The following RALGPS2 variants were observed in gnomAD, a reference collection of about 807,000 sequenced individuals.
RALGPS2 encodes the protein ras-specific guanine nucleotide-releasing factor RalGPS2.
In RALGPS2, 43 loss-of-function variants were observed where a neutral mutation model predicts 86.8. The observed-to-expected ratio is 0.50, with a 90% CI of 0.39 to 0.64. The LOEUF is 0.64. RALGPS2 is among the 30% of genes least tolerant of loss of function. The pLI is 0.00. For synonymous variants in RALGPS2, 243 were observed against 231.3 expected, an observed-to-expected ratio of 1.05 and a Z score of -0.46; for missense variants, 536 against 694.6, an observed-to-expected ratio of 0.77 and a Z score of 2.57.
intron 4 of RALGPS2, among the ~76,000 whole-genome samples, chr1:178,806,746 T>G (rs1216796248): frequency 1.3e-5 from 2 of 152,142 alleles, no homozygotes; most frequent in Non-Finnish European, 2.9e-5. Context: ...TTTTCTCAGT[T>G]TTCTTCGCTC....
chr1:178,817,027 G>A (rs771632140), intron 6 of RALGPS2, among the ~76,000 whole-genome samples: 1 of 151,794 alleles, frequency 6.6e-6, no homozygotes, highest in African/African-American at 2.4e-5. Flanking sequence ...TTTGTGTCTG[G>A]TGGAAGGTGT....
At chr1:178,911,496 T>TAA (rs1660623015) in intron 19 of RALGPS2, among the ~76,000 whole-genome samples, 1 of 152,200 alleles carries the variant, frequency 6.6e-6, no homozygotes. Flanking sequence ...AGAAAGTTGT[T>TAA]TAAGTTCCAT....
At chr1:178,908,874 T>C (rs929587666) in intron 19 of RALGPS2, among the ~76,000 whole-genome samples, 8 of 152,226 alleles carry the variant, frequency 5.3e-5, no homozygotes, top group African/African-American at 1.9e-4. Context: ...TTTATTCTGC[T>C]GATAGTTTCT....
chr1:178,897,331 T>C (rs935766376), intron 16 of RALGPS2, among the ~76,000 whole-genome samples: 2 of 152,052 alleles, frequency 1.3e-5, no homozygotes, highest in Non-Finnish European at 2.9e-5. Context: ...ACTTTTACAC[T>C]GTTGGTGGGA....
At chr1:178,859,737 C>T (rs1488368557) in intron 8 of RALGPS2, among the ~76,000 whole-genome samples, 4 of 119,134 alleles carry the variant, frequency 3.4e-5, no homozygotes, top group East Asian at 5.0e-4. Flanking sequence ...CTCGCTCTGT[C>T]GCCAGGCTGG....
chr1:178,861,767 G>C (rs1658029598), intron 8 of RALGPS2, among the ~76,000 whole-genome samples: 1 of 152,070 alleles, frequency 6.6e-6, no homozygotes, highest in African/African-American at 2.4e-5. Flanking sequence ...ATTTTTAAAG[G>C]ATATCAAAAG....
chr1:178,895,684 T>C (rs571790800), intron 16 of RALGPS2, among the ~76,000 whole-genome samples: 208 of 152,020 alleles, frequency 1.4e-3, no homozygotes, highest in Non-Finnish European at 2.6e-3. Flanking sequence ...TGATGATAAA[T>C]TAAACATGAT....
rs547934219 is a variant in RALGPS2, at chr1:178,774,285, T to A, written c.-83-2397T>A. Among the ~76,000 whole-genome samples, 243 of 143,900 alleles carry A rather than the reference T, an allele frequency of 1.7e-3. 1 individual carries two copies. The highest frequency in any genetic ancestry group is 3.8e-3 in the Middle Eastern group (1 of 262). 94.4% of individuals were successfully genotyped at this position (143,900 alleles called of 152,430 possible). ...CAAAACTCTGTCTCAAAAAAAAAAA[T>A]AAAAGGAGAGAAAATGTGATTCTTC... On this transcript the variant is annotated intron_variant, in intron 1 of 19. Coordinates refer to ENST00000367635, the MANE Select transcript of RALGPS2 (RefSeq NM_152663.5).
intron 1 of RALGPS2, among the ~76,000 whole-genome samples, chr1:178,736,288 A>G (rs1007747668): frequency 6.6e-6 from 1 of 151,378 alleles, no homozygotes; most frequent in Non-Finnish European, 1.5e-5. Flanking sequence ...CAGCTTCTCA[A>G]GTAGCTGAGA....
chr1:178,833,462 A>C lies in RALGPS2; in HGVS notation c.519A>C (p.Leu173Phe), dbSNP rs1656123651. ...AAGACAAAACTACCTTTGAAAAATT[A>C]GAATATGTAATGAGTAAAGAAGATA... ...SRKDKTTFEK[L>F]EYVMSKEDNY... is the part of the protein sequence containing the mutation. The change falls in exon 8 of 20, where the codon TTA becomes TTC. Residue 173 changes from leucine to phenylalanine, a missense_variant. Leu to Phe is a conservative substitution (Grantham distance 22). This residue lies in a region of RALGPS2 where 184 missense variants were observed against 296.7 expected (regional missense o/e 0.62). Transcript: ENST00000367635. 1 of 1,520,302 alleles carries C rather than the reference A, an allele frequency of 6.6e-7. No individual in the cohort carries two copies. The highest frequency in any genetic ancestry group is 8.7e-7 in the Non-Finnish European group (1 of 1,146,704). The allele number at this position is 1,520,302 out of a possible 1,614,324, so 94.2% of individuals were successfully genotyped here. A position where few individuals can be genotyped will look rare whatever the true frequency, so the allele number is the denominator to read the frequency against.
At chr1:178,894,591 G>T (rs1241926453) in intron 16 of RALGPS2, among the ~76,000 whole-genome samples, 1 of 152,064 alleles carries the variant, frequency 6.6e-6, no homozygotes, top group Admixed American at 6.6e-5. Flanking sequence ...AACTGTGTGA[G>T]ATTTTATCAT....
chr1:178,800,987 C>T (rs1482603894), intron 4 of RALGPS2, among the ~76,000 whole-genome samples: 3 of 151,216 alleles, frequency 2.0e-5, no homozygotes, highest in East Asian at 3.9e-4. Context: ...AGCGCAGTGG[C>T]GTGATCTCAG....
intron 1 of RALGPS2, among the ~76,000 whole-genome samples, chr1:178,764,990 GT>G (rs908282236): frequency 2.0e-5 from 3 of 152,022 alleles, no homozygotes; most frequent in African/African-American, 7.2e-5. Flanking sequence ...TCCCCACTTT[GT>G]GCTCTCTCTC....
rs1250223641 is a variant in RALGPS2 at position 178,735,598 on chromosome 1, A to ATTTTTT, written c.-84+10181_-84+10182insTTTTTT. Among the ~76,000 whole-genome samples, 23 of 57,402 alleles carry ATTTTTT rather than the reference A, an allele frequency of 4.0e-4. 2 individuals are homozygous for ATTTTTT. The highest frequency in any genetic ancestry group is 9.5e-4 in the African/African-American group (11 of 11,624). The allele number at this position is 57,402 out of a possible 152,430, so 37.7% of individuals were successfully genotyped here. On this transcript the variant is annotated intron_variant, in intron 1 of 19. Coordinates refer to ENST00000367635, the MANE Select transcript of RALGPS2 (RefSeq NM_152663.5). ...GCCACCATGCCCAGCTAATTTTTGT[A>ATTTTTT]TTCTTTTTTTTTTTTTTTTTTTTTA...
intron 1 of RALGPS2, among the ~76,000 whole-genome samples, chr1:178,735,571 G>A (rs150409487): frequency 0.041 from 6,034 of 147,250 alleles, 164 homozygotes; most frequent in African/African-American, 0.071. Flanking sequence ...TTACAGGCAC[G>A]TGCCACCATG....
intron 7 of RALGPS2, among the ~76,000 whole-genome samples, chr1:178,829,897 A>G (rs1655935592): frequency 6.6e-6 from 1 of 151,586 alleles, no homozygotes; most frequent in African/African-American, 2.4e-5. Flanking sequence ...GGCGCCCACC[A>G]TTTTGCCCAG....
rs147506597 is a variant in RALGPS2 at position 178,737,302 on chromosome 1, G to A, written c.-84+11883G>A. Among the ~76,000 whole-genome samples the A allele has an allele frequency of 5.2e-3, 785 of 152,168 alleles. 8 individuals carry two copies. The highest frequency in any genetic ancestry group is 0.018 in the African/African-American group (728 of 41,496). ...GCTCTGTCGCCCAGGCTGAAGTGCCGGTGGCATGATCTTGGCTCACTGCAA... is the reference window on the plus strand; with the variant it reads ...GCTCTGTCGCCCAGGCTGAAGTGCCAGTGGCATGATCTTGGCTCACTGCAA... On this transcript the variant is annotated intron_variant, in intron 1 of 19. Coordinates refer to ENST00000367635, the MANE Select transcript of RALGPS2 (RefSeq NM_152663.5).
chr1:178,742,009 G>A (rs548127534), intron 1 of RALGPS2, among the ~76,000 whole-genome samples: 1 of 151,772 alleles, frequency 6.6e-6, no homozygotes, highest in Non-Finnish European at 1.5e-5. Flanking sequence ...GGTGACGCAC[G>A]CCTGTAGTCC....
chr1:178,833,647 C>CT, intron 8 of RALGPS2, 97 bp downstream of exon 8: 1 of 1,454,812 alleles, frequency 6.9e-7, no homozygotes, highest in Non-Finnish European at 9.0e-7. Context: ...ATGTTTGTAT[C>CT]TTTTAAATAA....
Sources: gnomAD v4.1 joint callset for allele counts (sites outside exome capture counted in the v4.1 genomes callset) on GRCh38, gnomAD v4.1.1 for gene constraint, gnomAD v4.1.1 regional missense constraint, MANE v1.5 for transcripts, NCBI Gene and HGNC (gene_info 2026-07-23, HGNC 2026-07-21) for gene names.